CACUL1: variants seen among roughly 807,000 people sequenced by gnomAD.
The protein encoded by CACUL1 is CDK2 associated cullin domain 1.
CACUL1 carries 13 observed loss-of-function variants against 45.2 expected under a neutral mutation model. That is an observed-to-expected ratio of 0.29 (90% CI 0.19 to 0.46). The LOEUF (loss-of-function observed/expected upper bound fraction) is 0.46. Ranked by LOEUF, CACUL1 falls within the 20% of genes least tolerant of loss-of-function variation. The pLI is 1.00. For synonymous variants in CACUL1, 197 were observed against 174.2 expected (o/e 1.13, Z -1.03); for missense variants, 421 against 471.4 (o/e 0.89, Z 0.99).
chr10:118,690,295 G>C (rs191365275), intron 7 of CACUL1, among the ~76,000 whole-genome samples: 1 of 109,378 alleles, frequency 9.1e-6, no homozygotes, highest in East Asian at 2.7e-4. Context: ...GCGACAGAGC[G>C]AGACTCCGTC....
At chr10:118,741,377 C>G (rs1208087498) in intron 1 of CACUL1, among the ~76,000 whole-genome samples, 4 of 152,038 alleles carry the variant, frequency 2.6e-5, no homozygotes, top group Non-Finnish European at 5.9e-5. Context: ...TATTCTAAGG[C>G]ACAGGAAATG....
In CACUL1 at chr10:118,682,035, A is replaced by G. The variant is rs1845158473; in HGVS notation, c.*4093T>C. The G allele has an allele frequency of 6.6e-6, 1 of 152,240 alleles. No homozygotes were observed. The highest frequency in any genetic ancestry group is 6.5e-5 in the Admixed American group (1 of 15,290). The allele number at this position is 152,240 out of a possible 1,614,324, so 9.4% of individuals were successfully genotyped here. A position where few individuals can be genotyped will look rare whatever the true frequency, so the allele number is the denominator to read the frequency against. Reference sequence around the variant, plus strand: ...TAACTTCATTTATACAATCGTATTGAAAACAGTAATCACAACCAAAAAGGT... The same window carrying G: ...TAACTTCATTTATACAATCGTATTGGAAACAGTAATCACAACCAAAAAGGT... On this transcript the variant is annotated 3_prime_UTR_variant, in exon 9 of 9. Transcript: ENST00000369151.
Position 118,754,431 on chromosome 10 carries a change from G to C in CACUL1, c.332C>G (p.Ser111Cys). 2 of 1,599,354 alleles carry C rather than the reference G, an allele frequency of 1.3e-6. No individual in the cohort carries two copies. The highest frequency in any genetic ancestry group is 1.7e-6 in the Non-Finnish European group (2 of 1,173,932). Residue 111 changes from serine to cysteine, a missense_variant, in exon 1 of 9, where the codon TCC (serine) becomes TGC (cysteine). Around this residue, in one of 2 missense-constraint regions of CACUL1, gnomAD observed 213 missense variants for 173.1 expected, o/e 1.23. Coordinates refer to ENST00000369151, the MANE Select transcript of CACUL1 (RefSeq NM_153810.5). ...GGTGGAGGTGTTGATGTTGATGGTG[G>C]AGCTGGCGGTGGGGGCGGGGGCCGC... The part of the protein sequence containing the change: ...AKAAPAPTAS[S>C]TININTSTSK...
chr10:118,753,982 G>A (rs148238327), intron 1 of CACUL1, among the ~76,000 whole-genome samples: 1 of 152,282 alleles, frequency 6.6e-6, no homozygotes, highest in Non-Finnish European at 1.5e-5. Flanking sequence ...TTCTCTCTCT[G>A]GCTGCAGAAG....
At chr10:118,717,080 A>T (rs1371301866) in intron 3 of CACUL1, among the ~76,000 whole-genome samples, 1 of 152,224 alleles carries the variant, frequency 6.6e-6, no homozygotes, top group African/African-American at 2.4e-5. Flanking sequence ...CTTGATTCAG[A>T]AACTTTCCAG....
chr10:118,708,740 C>T (rs1845456539), intron 3 of CACUL1, among the ~76,000 whole-genome samples: 1 of 152,146 alleles, frequency 6.6e-6, no homozygotes, highest in African/African-American at 2.4e-5. Flanking sequence ...TCGCTCCTCC[C>T]ATAGGGCTCA....
chr10:118,728,159 C>CA (rs1467853002), intron 3 of CACUL1, among the ~76,000 whole-genome samples: 2 of 152,078 alleles, frequency 1.3e-5, no homozygotes, highest in African/African-American at 2.4e-5. Context: ...AAAAAAAACA[C>CA]AAAAAAACTA....
intron 7 of CACUL1, among the ~76,000 whole-genome samples, chr10:118,690,795 C>CA (rs1226258983): frequency 1.3e-5 from 2 of 152,202 alleles, no homozygotes; most frequent in African/African-American, 4.8e-5. Flanking sequence ...CCTATGATCC[C>CA]AGCACTTTGG....
rs1374204492 is a variant in CACUL1 at position 118,680,914 on chromosome 10, A to G, written c.*5214T>C. On this transcript the variant is annotated 3_prime_UTR_variant, in exon 9 of 9. Coordinates refer to ENST00000369151, the MANE Select transcript of CACUL1 (RefSeq NM_153810.5). Reference sequence around the variant, plus strand: ...AAAATCAAATATTCTATATTATAACAAAGTTCCAGTGAACCAGGTATTAAG... The same window carrying G: ...AAAATCAAATATTCTATATTATAACGAAGTTCCAGTGAACCAGGTATTAAG... 2 of 152,250 alleles carry G rather than the reference A, an allele frequency of 1.3e-5. No individual in the cohort carries two copies. Among genetic ancestry groups the G allele is most frequent in the Non-Finnish European group, 2.9e-5 (2 of 68,044 alleles). 9.4% of individuals were successfully genotyped at this position (152,250 alleles called of 1,614,324 possible).
rs530434229 is a variant in CACUL1 at position 118,754,627 on chromosome 10, G to C, written c.136C>G (p.Pro46Ala). 1 of 1,607,672 alleles carries C rather than the reference G, an allele frequency of 6.2e-7. No homozygotes were observed. The highest frequency in any genetic ancestry group is 1.7e-5 in the Admixed American group (1 of 58,784). ...LPPPPPPSSI[P>A]APAREPPGGQ... is the part of the protein sequence containing the mutation. Reference sequence around the variant, plus strand: ...CCCGGAGGCTCTCGGGCAGGGGCCGGGATCGACGAGGGGGGCGGCGGAGGT... The same window carrying C: ...CCCGGAGGCTCTCGGGCAGGGGCCGCGATCGACGAGGGGGGCGGCGGAGGT... The change falls in exon 1 of 9, where the codon CCG becomes GCG. Residue 46 changes from proline to alanine, a missense_variant. Pro to Ala is a conservative substitution (Grantham distance 27). Transcript: ENST00000369151.
In CACUL1 at chr10:118,749,970, G is replaced by A. The variant is rs565680355; in HGVS notation, c.367+4426C>T. 2.6e-5 allele frequency among the ~76,000 whole-genome samples: 4 copies of A among 152,298 alleles called. No homozygotes were observed. The East Asian group carries it at 5.8e-4, about 22-fold the overall frequency. On this transcript the variant is annotated intron_variant, in intron 1 of 8. Transcript: ENST00000369151. ...TTCCTACCAAAGTAATAAACTCGAAGCAACAAACAACACATCTCTGTGGGA... is the reference window on the plus strand; with the variant it reads ...TTCCTACCAAAGTAATAAACTCGAAACAACAAACAACACATCTCTGTGGGA...
At chr10:118,689,764 G>A (rs1025697264) in intron 7 of CACUL1, among the ~76,000 whole-genome samples, 2 of 152,148 alleles carry the variant, frequency 1.3e-5, no homozygotes, top group African/African-American at 2.4e-5. Flanking sequence ...AAATGGGCAC[G>A]TTTAAGCAAT....
intron 1 of CACUL1, 107 bp downstream of exon 1, chr10:118,754,289 G>A (rs1287886358): frequency 6.4e-6 from 9 of 1,414,432 alleles, no homozygotes; most frequent in Non-Finnish European, 7.4e-6. Context: ...GAAGAGGAAA[G>A]ACCGAGGCCT....
At chr10:118,711,805 T>C (rs186840257) in intron 3 of CACUL1, among the ~76,000 whole-genome samples, 102 of 152,340 alleles carry the variant, frequency 6.7e-4, no homozygotes, top group Admixed American at 2.8e-3. Flanking sequence ...AAAAAGTATA[T>C]TTCATGTAGC....
intron 5 of CACUL1, among the ~76,000 whole-genome samples, chr10:118,698,148 CT>C (rs1021447229): frequency 1.8e-3 from 244 of 136,142 alleles, no homozygotes; most frequent in African/African-American, 1.9e-3. Flanking sequence ...ACCTCTTTTG[CT>C]TTTTTTTTTT....
At chr10:118,691,019 C>T (rs1346640451) in intron 7 of CACUL1, among the ~76,000 whole-genome samples, 1 of 152,224 alleles carries the variant, frequency 6.6e-6, no homozygotes, top group African/African-American at 2.4e-5. Flanking sequence ...CCACTGCATT[C>T]CAGCCTAGAA....
chr10:118,709,529 G>C (rs181848514), intron 3 of CACUL1, among the ~76,000 whole-genome samples: 1 of 152,312 alleles, frequency 6.6e-6, no homozygotes, highest in East Asian at 1.9e-4. Context: ...AGTGTTGGGG[G>C]ACGAGCATGG....
At chr10:118,702,235 C>G (rs148161294) in intron 4 of CACUL1, among the ~76,000 whole-genome samples, 1,718 of 152,288 alleles carry the variant, frequency 0.011, 18 homozygotes, top group Middle Eastern at 0.027. Flanking sequence ...ACTGCCCCAG[C>G]TCATCTCCCT....
In CACUL1 at chr10:118,676,528, CTTAA is replaced by C; in HGVS notation, c.*9596_*9599del. The C allele has an allele frequency of 6.6e-6, 1 of 152,254 alleles. No individual in the cohort carries two copies. Among genetic ancestry groups the C allele is most frequent in the South Asian group, 2.1e-4 (1 of 4,824 alleles). The allele number at this position is 152,254 out of a possible 1,614,324, so 9.4% of individuals were successfully genotyped here. ...CACAGCCATATTTGGATCCACAGAT[CTTAA>C]TTAATGAAGTGACTTATTCAGCTAC... is the stretch of plus-strand genomic sequence containing the variant. On this transcript the variant is annotated 3_prime_UTR_variant, in exon 9 of 9. Transcript: ENST00000369151.
Sources: allele counts gnomAD v4.1 joint callset (sites outside exome capture counted in the v4.1 genomes callset), GRCh38; gene constraint gnomAD v4.1.1; regional missense constraint gnomAD v4.1.1; transcripts MANE v1.5; gene names NCBI Gene and HGNC (gene_info 2026-07-23, HGNC 2026-07-21).